GDI2: variants seen among roughly 807,000 people sequenced by gnomAD.
GDI2 encodes GDP dissociation inhibitor 2.
Under a neutral mutation model 54.2 loss-of-function variants are expected in GDI2, and 22 were observed. That is an observed-to-expected ratio of 0.41 (90% CI 0.29 to 0.58). The LOEUF (loss-of-function observed/expected upper bound fraction) is 0.58, where lower values mean the gene tolerates loss of function less well. GDI2 is among the 20% of genes least tolerant of loss of function. GDI2 has a pLI of 0.35. For missense variants in GDI2, 422 were observed against 546.0 expected (o/e 0.77, Z 2.26); for synonymous variants, 177 against 182.1 (o/e 0.97, Z 0.23).
In GDI2 at chr10:5,774,107, CAAACAT is replaced by C. The variant is rs71388476; in HGVS notation, c.720-172_720-167del. Among the ~76,000 whole-genome samples the C allele has an allele frequency of 0.54, 81,588 of 150,624 alleles. 22,537 individuals are homozygous for C. Among genetic ancestry groups the C allele is most frequent in the Middle Eastern group, 0.65 (185 of 286 alleles). ...AAGCAAGAAAACAGAGTCAAAAACA[CAAACAT>C]AATCAGTTATAAATACGAAGTCAAA... On this transcript the variant is annotated intron_variant, in intron 6 of 10. Coordinates refer to ENST00000380191, the MANE Select transcript of GDI2 (RefSeq NM_001494.4). The surrounding 1 kb of genome is among the most constrained non-coding windows in gnomAD (Gnocchi z 4.8).
chr10:5,809,637 C>T (rs1463579470), intron 1 of GDI2, among the ~76,000 whole-genome samples: 1 of 152,212 alleles, frequency 6.6e-6, no homozygotes, highest in Non-Finnish European at 1.5e-5. Flanking sequence ...CTCTCCAACA[C>T]GAGAACAAGC....
At chr10:5,811,648 T>C (rs1841481063) in intron 1 of GDI2, among the ~76,000 whole-genome samples, 1 of 119,654 alleles carries the variant, frequency 8.4e-6, no homozygotes, top group African/African-American at 3.5e-5. Flanking sequence ...GGAATCCCAA[T>C]TAGGCACTTA....
chr10:5,786,850 T>A (rs923681644), intron 4 of GDI2, among the ~76,000 whole-genome samples: 7 of 152,236 alleles, frequency 4.6e-5, no homozygotes, highest in African/African-American at 1.7e-4. Flanking sequence ...AAAATTTCGA[T>A]GCTGCTGCTA....
chr10:5,800,817 T>C (rs1841252295), intron 1 of GDI2, 112 bp from the exon 2 acceptor site: 1 of 699,142 alleles, frequency 1.4e-6, no homozygotes, highest in South Asian at 1.6e-5. Flanking sequence ...CTTATATTCA[T>C]GCAACATGAC....
intron 1 of GDI2, among the ~76,000 whole-genome samples, chr10:5,809,924 A>G (rs1214475004): frequency 6.6e-6 from 1 of 152,160 alleles, no homozygotes; most frequent in Non-Finnish European, 1.5e-5. Flanking sequence ...ACGCTGGTTT[A>G]AACTGCCTAC....
intron 4 of GDI2, among the ~76,000 whole-genome samples, chr10:5,794,540 A>G (rs994492822): frequency 5.9e-5 from 9 of 152,236 alleles, no homozygotes; most frequent in African/African-American, 2.2e-4. Context: ...AACAATATGG[A>G]GTGTTCAGTA....
chr10:5,800,745 A>G, intron 1 of GDI2, 40 bp from the exon 2 acceptor site: 1 of 984,792 alleles, frequency 1.0e-6, no homozygotes, highest in Non-Finnish European at 1.6e-6. Flanking sequence ...AAAGTTCTAC[A>G]GCATATTTAA....
intron 1 of GDI2, chr10:5,811,728 C>T (rs1588993434): frequency 7.2e-6 from 2 of 277,264 alleles, no homozygotes; most frequent in South Asian, 3.1e-5. Flanking sequence ...CAACAGTCTT[C>T]CAGCTTTTCA....
intron 1 of GDI2, among the ~76,000 whole-genome samples, chr10:5,805,760 T>C (rs1267475196): frequency 6.6e-6 from 1 of 152,198 alleles, no homozygotes; most frequent in Non-Finnish European, 1.5e-5. Flanking sequence ...AATTTTATTA[T>C]ATATAAGAAT....
At chr10:5,803,427 A>G (rs1181817525) in intron 1 of GDI2, among the ~76,000 whole-genome samples, 3 of 152,164 alleles carry the variant, frequency 2.0e-5, no homozygotes, top group Non-Finnish European at 2.9e-5. Context: ...CTATCTCAAT[A>G]ACAAAAAAAA....
At chr10:5,789,759 CACACAA>C (rs1254193959) in intron 4 of GDI2, among the ~76,000 whole-genome samples, 1 of 152,164 alleles carries the variant, frequency 6.6e-6, no homozygotes, top group Non-Finnish European at 1.5e-5. Flanking sequence ...AAAACTTAGG[CACACAA>C]ACACAGACCA....
intron 6 of GDI2, among the ~76,000 whole-genome samples, chr10:5,778,580 T>C (rs1840678281): frequency 6.6e-6 from 1 of 152,212 alleles, no homozygotes; most frequent in Non-Finnish European, 1.5e-5. Context: ...ACCAAATTAT[T>C]AGTTATGCTT....
chr10:5,790,667 A>G (rs921340611), intron 4 of GDI2, among the ~76,000 whole-genome samples: 1 of 152,128 alleles, frequency 6.6e-6, no homozygotes, highest in Non-Finnish European at 1.5e-5. Context: ...AAAAAATCAC[A>G]TACAAAATAA....
chr10:5,800,549 G>A (rs573458185), intron 2 of GDI2, 49 bp downstream of exon 2: 8 of 873,402 alleles, frequency 9.2e-6, no homozygotes, highest in Admixed American at 6.8e-5. Flanking sequence ...ATTCACAAGT[G>A]AAATACTCAC....
At chr10:5,809,066 G>A (rs1841436288) in intron 1 of GDI2, among the ~76,000 whole-genome samples, 1 of 152,024 alleles carries the variant, frequency 6.6e-6, no homozygotes, top group Non-Finnish European at 1.5e-5. Context: ...TCAATATGGT[G>A]AAACCCCATC....
intron 2 of GDI2, among the ~76,000 whole-genome samples, chr10:5,797,317 C>T (rs182934143): frequency 1.3e-5 from 2 of 151,726 alleles, no homozygotes; most frequent in Non-Finnish European, 1.5e-5. Flanking sequence ...GAGGCCGAGG[C>T]GGGTGGATCA....
At chr10:5,809,635 CA>C (rs1841447721) in intron 1 of GDI2, among the ~76,000 whole-genome samples, 1 of 152,226 alleles carries the variant, frequency 6.6e-6, no homozygotes, top group Non-Finnish European at 1.5e-5. Context: ...TACTCTCCAA[CA>C]CGAGAACAAG....
chr10:5,786,558 T>C (rs934011062), intron 4 of GDI2, among the ~76,000 whole-genome samples: 16 of 152,082 alleles, frequency 1.1e-4, no homozygotes, highest in Non-Finnish European at 2.4e-4. Flanking sequence ...AGGTTACTTA[T>C]AAAGTCTTCA....
chr10:5,803,039 A>C (rs974015015), intron 1 of GDI2, among the ~76,000 whole-genome samples: 5 of 152,236 alleles, frequency 3.3e-5, no homozygotes, highest in Admixed American at 6.5e-5. Flanking sequence ...ACCTGTTTTC[A>C]TATACTTCAG....
Sources: gnomAD v4.1 joint callset for allele counts (sites outside exome capture counted in the v4.1 genomes callset) on GRCh38, gnomAD v4.1.1 for gene constraint, Gnocchi (gnomAD v3.1) non-coding constraint, MANE v1.5 for transcripts, NCBI Gene and HGNC (gene_info 2026-07-23, HGNC 2026-07-21) for gene names.